RNLS: variants seen among roughly 807,000 people sequenced by gnomAD.
The protein encoded by RNLS is renalase, FAD dependent amine oxidase.
Under a neutral mutation model 39.8 loss-of-function variants are expected in RNLS, and 39 were observed. The observed-to-expected ratio is 0.98, with a 90% CI of 0.76 to 1.28. The LOEUF is 1.28. RNLS is among the 50% of genes most tolerant of loss of function. The pLI is 0.00. For missense variants in RNLS, 410 were observed against 413.3 expected (o/e 0.99, Z 0.07); for synonymous variants, 147 against 150.7 (o/e 0.98, Z 0.18).
chr10:88,252,073 T>A, the RNLS span, among the ~76,000 whole-genome samples: 9 of 152,184 alleles, frequency 5.9e-5, no homozygotes, highest in Admixed American at 2.0e-4. Flanking sequence ...GGTCCACAGA[T>A]AAAAATCAGC....
chr10:88,381,043 C>T (rs1789980790), intron 4 of RNLS, among the ~76,000 whole-genome samples: 1 of 152,098 alleles, frequency 6.6e-6, no homozygotes, highest in Non-Finnish European at 1.5e-5. Context: ...ATTTATATAG[C>T]TTTTTGATAT....
At chr10:88,195,317 T>C in the RNLS span, among the ~76,000 whole-genome samples, 1 of 152,218 alleles carries the variant, frequency 6.6e-6, no homozygotes, top group South Asian at 2.1e-4. Flanking sequence ...CTCAAAACAC[T>C]TAACCCCTAG....
chr10:88,553,930 G>GA (rs1440245692), intron 4 of RNLS, among the ~76,000 whole-genome samples: 5 of 151,938 alleles, frequency 3.3e-5, no homozygotes, highest in African/African-American at 1.2e-4. Context: ...AATATTTATT[G>GA]AAAAAATAAA....
intron 4 of RNLS, among the ~76,000 whole-genome samples, chr10:88,368,722 G>A (rs547408169): frequency 4.6e-5 from 7 of 151,960 alleles, no homozygotes; most frequent in East Asian, 3.9e-4. Context: ...TTGAACATTC[G>A]TTTCCTTTTT....
At chr10:88,392,327 C>T (rs1200671434) in intron 4 of RNLS, among the ~76,000 whole-genome samples, 4 of 152,146 alleles carry the variant, frequency 2.6e-5, no homozygotes, top group African/African-American at 4.8e-5. Flanking sequence ...GGGATGTGAG[C>T]ATACTCAGTG....
chr10:88,458,180 AAGT>A (rs1311342238), intron 4 of RNLS, among the ~76,000 whole-genome samples: 1 of 152,208 alleles, frequency 6.6e-6, no homozygotes, highest in Non-Finnish European at 1.5e-5. Flanking sequence ...CATGTTAGCC[AAGT>A]AGGTTTCAAA....
intron 6 of RNLS, among the ~76,000 whole-genome samples, chr10:88,291,182 A>G (rs2132881132): frequency 6.6e-6 from 1 of 152,310 alleles, no homozygotes; most frequent in Non-Finnish European, 1.5e-5. Context: ...ATGCATGACA[A>G]GTCAAAAGAT....
chr10:88,394,509 A>G (rs1852423579), intron 4 of RNLS, among the ~76,000 whole-genome samples: 1 of 152,212 alleles, frequency 6.6e-6, no homozygotes, highest in Admixed American at 6.5e-5. Context: ...ATCTCACGCC[A>G]GTTAGAATGG....
the RNLS span, among the ~76,000 whole-genome samples, chr10:88,179,570 C>G: frequency 6.6e-6 from 1 of 152,158 alleles, no homozygotes; most frequent in Admixed American, 6.5e-5. Flanking sequence ...TCAGAATAGT[C>G]TTTGAATTTA....
intron 4 of RNLS, among the ~76,000 whole-genome samples, chr10:88,535,134 TA>T (rs2134256959): frequency 6.6e-6 from 1 of 152,284 alleles, no homozygotes; most frequent in South Asian, 2.1e-4. Flanking sequence ...AAAGTAATAT[TA>T]AAAATCATGA....
the RNLS span, among the ~76,000 whole-genome samples, chr10:88,171,739 T>C: frequency 2.2e-4 from 33 of 152,204 alleles, no homozygotes; most frequent in African/African-American, 7.2e-4. Context: ...CAATGAATTA[T>C]TGTTAACTAT....
At chr10:88,489,524 C>A (rs1844763385) in intron 4 of RNLS, among the ~76,000 whole-genome samples, 1 of 152,158 alleles carries the variant, frequency 6.6e-6, no homozygotes, top group Admixed American at 6.5e-5. Context: ...GAAGTTGTTC[C>A]CTTTGTGTAA....
chr10:88,239,606 T>C, the RNLS span, among the ~76,000 whole-genome samples: 1 of 152,366 alleles, frequency 6.6e-6, no homozygotes, highest in South Asian at 2.1e-4. Flanking sequence ...AGCTGCCCGA[T>C]GCTGCTTTCA....
At position 88,582,267 on chromosome 10, in the gene RNLS, C is replaced by T. The variant is rs142003651; in HGVS notation, c.159G>A (p.Gln53=). ...MTTACSPHNP[Q]CTADLGAQYI... The stretch of plus-strand genomic sequence containing the variant: ...ACTGAGCACCCAAGTCAGCTGTGCA[C>T]TGAGGATTATGAGGACTGCAGGCTG... Residue 53 remains glutamine, a synonymous_variant, in exon 2 of 7, where the codon CAG becomes CAA. Transcript: ENST00000331772. 377 of 1,614,086 alleles carry T rather than the reference C, an allele frequency of 2.3e-4. 2 individuals carry two copies. In the African/African-American group the frequency reaches 3.9e-3, roughly 17 times the overall value.
chr10:88,268,719 G>C, the RNLS span, among the ~76,000 whole-genome samples: 4 of 152,204 alleles, frequency 2.6e-5, no homozygotes, highest in Non-Finnish European at 5.9e-5. Flanking sequence ...GACCCTGGCA[G>C]CTCTAGACTT....
intron 4 of RNLS, among the ~76,000 whole-genome samples, chr10:88,411,549 C>A (rs2133702013): frequency 6.6e-6 from 1 of 150,472 alleles, no homozygotes; most frequent in South Asian, 2.1e-4. Context: ...TTTTCCAATT[C>A]TGTTTTGTAT....
intron 4 of RNLS, among the ~76,000 whole-genome samples, chr10:88,511,148 A>T (rs1030825489): frequency 2.0e-5 from 3 of 152,038 alleles, no homozygotes; most frequent in Admixed American, 1.3e-4. Flanking sequence ...TCCTTCCCTC[A>T]CTATCAGGCC....
intron 4 of RNLS, among the ~76,000 whole-genome samples, chr10:88,563,107 G>A (rs2134395942): frequency 6.6e-6 from 1 of 152,266 alleles, no homozygotes; most frequent in Non-Finnish European, 1.5e-5. Context: ...TAGATGAGAA[G>A]ATGATCTATT....
the RNLS span, among the ~76,000 whole-genome samples, chr10:88,192,817 G>A: frequency 1.2e-4 from 19 of 152,176 alleles, no homozygotes; most frequent in Non-Finnish European, 1.5e-5. Flanking sequence ...TAGGAAAGCT[G>A]CCATTTGTAT....
Sources: allele counts gnomAD v4.1 joint callset (sites outside exome capture counted in the v4.1 genomes callset), GRCh38; gene constraint gnomAD v4.1.1; transcripts MANE v1.5; gene names NCBI Gene and HGNC (gene_info 2026-07-23, HGNC 2026-07-21).